Variants in BCO2 observed in about 807,000 individuals in gnomAD.
BCO2 encodes carotenoid-cleaving dioxygenase, mitochondrial.
BCO2 carries 56 observed loss-of-function variants against 65.8 expected under a neutral mutation model. The observed-to-expected ratio is 0.85, with a 90% CI of 0.69 to 1.06. The LOEUF is 1.06. Ranked by LOEUF, BCO2 falls within the 50% of genes least tolerant of loss-of-function variation. The pLI, the probability that BCO2 is intolerant of heterozygous loss-of-function variation, is 0.00. For synonymous variants in BCO2, 233 were observed against 242.3 expected (o/e 0.96, Z 0.36); for missense variants, 675 against 698.5 (o/e 0.97, Z 0.38).
chr11:112,211,026 G>T (rs1187487010), intron 8 of BCO2, among the ~76,000 whole-genome samples: 2 of 151,896 alleles, frequency 1.3e-5, no homozygotes, highest in Non-Finnish European at 2.9e-5. Context: ...ACAATGTTGT[G>T]CAACATCACC....
At chr11:112,208,107 G>A (rs1859399049) in intron 8 of BCO2, among the ~76,000 whole-genome samples, 1 of 151,884 alleles carries the variant, frequency 6.6e-6, no homozygotes, top group Non-Finnish European at 1.5e-5. Flanking sequence ...CTACAGGCAT[G>A]TGCCACCATT....
intron 9 of BCO2, among the ~76,000 whole-genome samples, chr11:112,214,235 C>T (rs1019596195): frequency 1.3e-5 from 2 of 152,128 alleles, no homozygotes; most frequent in African/African-American, 4.8e-5. Context: ...CAGCCTCTGC[C>T]TCCTGGGTTC....
Position 112,218,579 on chromosome 11 carries a change from C to A in BCO2, c.*705C>A, listed in dbSNP as rs1050383080. 4 of 230,710 alleles carry A rather than the reference C, an allele frequency of 1.7e-5. No individual in the cohort carries two copies. The highest frequency in any genetic ancestry group is 1.2e-4 in the Admixed American group (3 of 25,676). 14.3% of individuals were successfully genotyped at this position (230,710 alleles called of 1,614,324 possible). A position where few individuals can be genotyped will look rare whatever the true frequency, so the allele number is the denominator to read the frequency against. On this transcript the variant is annotated 3_prime_UTR_variant, in exon 12 of 12. Coordinates refer to ENST00000357685, the MANE Select transcript of BCO2 (RefSeq NM_031938.7). ...ATTAAGGTTGATGACAACAAGAAAC[C>A]AGAGGAATGGGTAGGCCTCTGTAAA...
At chr11:112,195,895 G>T (rs1243796889) in intron 5 of BCO2, among the ~76,000 whole-genome samples, 2 of 152,206 alleles carry the variant, frequency 1.3e-5, no homozygotes, top group Admixed American at 6.5e-5. Flanking sequence ...CCAAGAATTT[G>T]CATTTTAACA....
chr11:112,216,757 C>G (rs1859689031), intron 11 of BCO2, among the ~76,000 whole-genome samples: 1 of 152,148 alleles, frequency 6.6e-6, no homozygotes, highest in African/African-American at 2.4e-5. Flanking sequence ...ATGAACTGAC[C>G]TCCAAGTCCA....
chr11:112,184,156 C>A (rs906040759), intron 2 of BCO2, among the ~76,000 whole-genome samples: 1 of 152,138 alleles, frequency 6.6e-6, no homozygotes, highest in African/African-American at 2.4e-5. Flanking sequence ...TCCAGAGCTA[C>A]TGCAATCAAA....
intron 8 of BCO2, among the ~76,000 whole-genome samples, chr11:112,204,368 G>C (rs1034399097): frequency 1.3e-5 from 2 of 152,136 alleles, no homozygotes; most frequent in Admixed American, 6.5e-5. Flanking sequence ...TACAATGAAC[G>C]TAAGAATGCA....
intron 6 of BCO2, 26 bp from the exon 7 acceptor site, chr11:112,200,587 T>C (rs768110918): frequency 6.3e-7 from 1 of 1,582,410 alleles, no homozygotes. Flanking sequence ...CAAATAACAT[T>C]TTTATTGTTT....
At chr11:112,214,705 A>T in intron 9 of BCO2, 57 bp from the exon 10 acceptor site, 2 of 1,482,424 alleles carry the variant, frequency 1.3e-6, no homozygotes, top group Non-Finnish European at 9.3e-7. Flanking sequence ...ACTGACCTAC[A>T]TAAGAGGAAA....
chr11:112,195,374 C>A (rs1261760773), intron 5 of BCO2, among the ~76,000 whole-genome samples: 1 of 152,188 alleles, frequency 6.6e-6, no homozygotes, highest in Non-Finnish European at 1.5e-5. Context: ...ACCTCGTGAT[C>A]TGCCCGCCTG....
chr11:112,194,461 TTTTG>T (rs1389685044), intron 4 of BCO2, 188 bp from the exon 5 acceptor site: 11 of 522,256 alleles, frequency 2.1e-5, no homozygotes, highest in Non-Finnish European at 6.6e-6. Flanking sequence ...GGTGATGTGT[TTTTG>T]TTTGTTGTTT....
At chr11:112,211,114 C>A (rs963129200) in intron 8 of BCO2, among the ~76,000 whole-genome samples, 3 of 152,118 alleles carry the variant, frequency 2.0e-5, no homozygotes, top group African/African-American at 7.2e-5. Context: ...CTGTTCCCCC[C>A]ACCTCCAGTC....
chr11:112,200,213 C>T (rs1867691002), intron 6 of BCO2, among the ~76,000 whole-genome samples: 1 of 152,022 alleles, frequency 6.6e-6, no homozygotes, highest in Non-Finnish European at 1.5e-5. Context: ...ATTTTCTGTA[C>T]TTTAAATCAT....
chr11:112,183,220 CA>C (rs1234604992), intron 2 of BCO2: 10 of 790,450 alleles, frequency 1.3e-5, no homozygotes, highest in Middle Eastern at 7.2e-4. Context: ...GGAAGATCTA[CA>C]AGATGAAAAT....
chr11:112,214,689 C>A, intron 9 of BCO2, 73 bp from the exon 10 acceptor site: 1 of 1,255,598 alleles, frequency 8.0e-7, no homozygotes, highest in Non-Finnish European at 1.1e-6. Context: ...GGGTATGAGG[C>A]TCCTCACTGA....
intron 1 of BCO2, among the ~76,000 whole-genome samples, chr11:112,178,315 T>C (rs1448025342): frequency 1.3e-5 from 2 of 152,202 alleles, no homozygotes; most frequent in Non-Finnish European, 2.9e-5. Flanking sequence ...TTGACTCATT[T>C]GTTACATGTC....
chr11:112,194,909 T>C (rs1203379976), intron 5 of BCO2, among the ~76,000 whole-genome samples, 154 bp downstream of exon 5: 2 of 152,170 alleles, frequency 1.3e-5, no homozygotes, highest in African/African-American at 2.4e-5. Context: ...CTTTATTACT[T>C]GATCTCAGAT....
intron 2 of BCO2, among the ~76,000 whole-genome samples, chr11:112,190,367 AAAAT>A (rs1242237239): frequency 6.6e-6 from 1 of 152,238 alleles, no homozygotes; most frequent in Non-Finnish European, 1.5e-5. Context: ...ACCACATTAA[AAAAT>A]AAAATTAACT....
chr11:112,183,612 A>G (rs774800304), intron 2 of BCO2, among the ~76,000 whole-genome samples: 13 of 152,228 alleles, frequency 8.5e-5, no homozygotes, highest in Non-Finnish European at 1.6e-4. Flanking sequence ...TGCAGTATGG[A>G]TATTTAAATT....
Sources: gnomAD v4.1 joint callset for allele counts (sites outside exome capture counted in the v4.1 genomes callset) on GRCh38, gnomAD v4.1.1 for gene constraint, MANE v1.5 for transcripts, NCBI Gene and HGNC (gene_info 2026-07-23, HGNC 2026-07-21) for gene names.